NEO1: variants seen among roughly 807,000 people sequenced by gnomAD.
NEO1 encodes neogenin 1.
In NEO1, 63 loss-of-function variants were observed where a neutral mutation model predicts 159.7. That is an observed-to-expected ratio of 0.39 (90% CI 0.32 to 0.49). NEO1 has a LOEUF of 0.49. Among genes scored for constraint, NEO1 ranks in the 20% least tolerant of loss-of-function variants. The pLI is 0.85. For synonymous variants in NEO1, 633 were observed against 662.0 expected (o/e 0.96, Z 0.67); for missense variants, 1,615 against 1,831.0 (o/e 0.88, Z 2.15).
intron 1 of NEO1, among the ~76,000 whole-genome samples, chr15:73,066,424 G>A (rs1253978094): frequency 6.6e-6 from 1 of 151,082 alleles, no homozygotes; most frequent in Non-Finnish European, 1.5e-5. Flanking sequence ...TGTTCCCGTA[G>A]GAGTTTTGCT....
chr15:73,083,590 C>T (rs1046635468), intron 1 of NEO1, among the ~76,000 whole-genome samples: 2 of 152,048 alleles, frequency 1.3e-5, no homozygotes, highest in African/African-American at 4.8e-5. Context: ...TCCCATTTCC[C>T]TTGTCTCCTT....
chr15:73,193,225 A>T (rs2036337149), intron 7 of NEO1, among the ~76,000 whole-genome samples: 1 of 152,038 alleles, frequency 6.6e-6, no homozygotes, highest in South Asian at 2.1e-4. Context: ...GTGCTGTGTA[A>T]ATAGAGATTC....
chr15:73,263,611 T>G (rs2040740784), intron 15 of NEO1, among the ~76,000 whole-genome samples: 1 of 135,602 alleles, frequency 7.4e-6, no homozygotes. Context: ...AGATCTTTTT[T>G]GAAACACTTG....
intron 7 of NEO1, among the ~76,000 whole-genome samples, chr15:73,216,364 G>C (rs1038784421): frequency 2.6e-5 from 4 of 152,160 alleles, no homozygotes; most frequent in African/African-American, 9.6e-5. Context: ...CCAAGTCTTT[G>C]CTATTGTGAA....
Position 73,178,413 on chromosome 15 carries a change from T to C in NEO1, c.1277T>C (p.Ile426Thr). Reference sequence around the variant, plus strand: ...AATGCACAAGCTGGAGCCCAACTGATAATCCTTGAACATGGTAAGAAGGGC... The same window carrying C: ...AATGCACAAGCTGGAGCCCAACTGACAATCCTTGAACATGGTAAGAAGGGC... ...VGNAQAGAQL[I>T]ILEHAPATTG... Residue 426 changes from isoleucine (I) to threonine (T), a missense_variant, in exon 7 of 29, where the codon ATA (isoleucine) becomes ACA (threonine). Ile to Thr is a moderately conservative substitution (Grantham distance 89, BLOSUM62 -1). This residue lies in a region of NEO1 where 1,018 missense variants were observed against 1,115.4 expected (regional missense o/e 0.91). Coordinates refer to ENST00000261908, the MANE Select transcript of NEO1 (RefSeq NM_002499.4). 6.2e-7 allele frequency: 1 copy of C among 1,613,766 alleles called. No individual in the cohort carries two copies. Among genetic ancestry groups the C allele is most frequent in the South Asian group, 1.1e-5 (1 of 91,052 alleles).
Position 73,267,797 on chromosome 15 carries a change from A to C in NEO1, c.2494+1386A>C, listed in dbSNP as rs1461812385. On this transcript the variant is annotated intron_variant, in intron 16 of 28. Transcript: ENST00000261908. ...TTAATCCAGTCTATCATTATTGGAC[A>C]TTTGGGTTGGTTCCAAGTCTTTGCT... Among the ~76,000 whole-genome samples the C allele has an allele frequency of 2.6e-5, 4 of 152,116 alleles. No homozygotes were observed. In the East Asian group the frequency reaches 7.7e-4, roughly 29 times the overall value.
rs141111017 is a variant in NEO1 at position 73,280,357 on chromosome 15, G to T, written c.3262+2158G>T. On this transcript the variant is annotated intron_variant, in intron 22 of 28. Transcript: ENST00000261908. ...AGAAATGGCATATATATTGTCCCTG[G>T]TAGGACTGTTCTTTGGCAGCTCACT... is the stretch of plus-strand genomic sequence containing the variant. Among the ~76,000 whole-genome samples, 362 of 152,176 alleles carry T rather than the reference G, an allele frequency of 2.4e-3. 3 individuals carry two copies. The highest frequency in any genetic ancestry group is 7.5e-3 in the African/African-American group (310 of 41,512).
chr15:73,115,515 T>C (rs769836548), intron 1 of NEO1, among the ~76,000 whole-genome samples: 1 of 152,236 alleles, frequency 6.6e-6, no homozygotes, highest in Non-Finnish European at 1.5e-5. Flanking sequence ...TTATATAATA[T>C]AGAATTTATG....
intron 5 of NEO1, among the ~76,000 whole-genome samples, chr15:73,161,029 C>A (rs1436182124): frequency 6.6e-6 from 1 of 152,102 alleles, no homozygotes; most frequent in African/African-American, 2.4e-5. Context: ...AAAAGTTGCT[C>A]CTATCACCCA....
chr15:73,254,623 A>G (rs1406541363), intron 12 of NEO1, 59 bp from the exon 13 acceptor site: 29 of 1,465,472 alleles, frequency 2.0e-5, no homozygotes, highest in Non-Finnish European at 2.6e-5. Context: ...AAAAATATTT[A>G]AAACAGGACC....
At chr15:73,292,019 C>T (rs2042182267) in intron 25 of NEO1, among the ~76,000 whole-genome samples, 1 of 152,174 alleles carries the variant, frequency 6.6e-6, no homozygotes, top group African/African-American at 2.4e-5. Context: ...CCTCAGACAG[C>T]TTTCCTCTGT....
intron 4 of NEO1, among the ~76,000 whole-genome samples, chr15:73,129,164 A>G (rs2030736928): frequency 6.6e-6 from 1 of 152,340 alleles, no homozygotes; most frequent in South Asian, 2.1e-4. Flanking sequence ...GTGGTGGCCA[A>G]TATATTTAGC....
chr15:73,262,670 A>G (rs1229723847), intron 15 of NEO1, among the ~76,000 whole-genome samples: 1 of 152,220 alleles, frequency 6.6e-6, no homozygotes, highest in East Asian at 1.9e-4. Context: ...TGACAGTACA[A>G]CCACTTTGGA....
Position 73,289,239 on chromosome 15 carries a change from G to A in NEO1, c.3742+1G>A, listed in dbSNP as rs747725504. 1.3e-5 allele frequency: 21 copies of A among 1,613,400 alleles called. No individual in the cohort carries two copies. The African/African-American group carries it at 1.3e-4, about 10-fold the overall frequency. On this transcript the variant is annotated splice_donor_variant, in intron 25 of 28. Coordinates refer to ENST00000261908, the MANE Select transcript of NEO1 (RefSeq NM_002499.4). LOFTEE classifies it high-confidence loss of function. The stretch of plus-strand genomic sequence containing the variant: ...CCCTTTGACTCCCAGCCACCCCAGC[G>A]TAAGTAGAAGCATCTCTTTTCCTCA...
At chr15:73,295,125 A>AATAAATATATATATATATATATAT in intron 26 of NEO1, among the ~76,000 whole-genome samples, 1 of 100,152 alleles carries the variant, frequency 1.0e-5, no homozygotes, top group Non-Finnish European at 2.2e-5. Context: ...CTAAATATTA[A>AATAAATATATATATATATATATAT]ATATATATAT....
chr15:73,186,112 A>G (rs1567422249), intron 7 of NEO1, among the ~76,000 whole-genome samples: 1 of 152,102 alleles, frequency 6.6e-6, no homozygotes. Context: ...TTTAAAAAGA[A>G]GAAAGACACA....
At chr15:73,107,512 A>C (rs1046976900) in intron 1 of NEO1, among the ~76,000 whole-genome samples, 10 of 152,220 alleles carry the variant, frequency 6.6e-5, no homozygotes, top group Non-Finnish European at 8.8e-5. Flanking sequence ...GGTACCTAGA[A>C]TACTAGTATC....
At position 73,114,427 on chromosome 15, in the gene NEO1, A is replaced by G. The variant is rs545726156; in HGVS notation, c.131-2113A>G. Among the ~76,000 whole-genome samples, 197 of 152,208 alleles carry G rather than the reference A, an allele frequency of 1.3e-3. 1 individual carries two copies. The highest frequency in any genetic ancestry group is 2.4e-3 in the Non-Finnish European group (165 of 68,036). ...CACTGCCCTCCTACTGAGAGAACAA[A>G]ATACAAAACGATATACAGAAATATT... On this transcript the variant is annotated intron_variant, in intron 1 of 28. Coordinates refer to ENST00000261908, the MANE Select transcript of NEO1 (RefSeq NM_002499.4).
In NEO1 at chr15:73,151,469, C is replaced by A. The variant is rs574177943; in HGVS notation, c.1015+15442C>A. 3.3e-5 allele frequency among the ~76,000 whole-genome samples: 5 copies of A among 152,262 alleles called. No homozygotes were observed. The South Asian group carries it at 1.0e-3, about 32-fold the overall frequency. On this transcript the variant is annotated intron_variant, in intron 5 of 28. Coordinates refer to ENST00000261908, the MANE Select transcript of NEO1 (RefSeq NM_002499.4). ...TTATTTATTTGTGAGTTTGTTCTCA[C>A]ACTGCTATGAAGGAATACCCAAGAC...
Sources: allele counts gnomAD v4.1 joint callset (sites outside exome capture counted in the v4.1 genomes callset), GRCh38; gene constraint gnomAD v4.1.1; regional missense constraint gnomAD v4.1.1; transcripts MANE v1.5; gene names NCBI Gene and HGNC (gene_info 2026-07-23, HGNC 2026-07-21).